Variants in EIF3H observed in about 807,000 individuals in gnomAD.
The protein encoded by EIF3H is eIF-3-gamma.
A neutral mutation model predicts 44.2 loss-of-function variants in EIF3H; 26 were observed. The observed-to-expected ratio is 0.59, with a 90% CI of 0.43 to 0.82. The LOEUF is 0.82. Ranked by LOEUF, EIF3H falls within the 40% of genes least tolerant of loss-of-function variation. The probability of loss-of-function intolerance (pLI) is 0.00; values close to 1 mark genes in which losing one functional copy is unlikely to be tolerated. For synonymous variants in EIF3H, 166 were observed against 151.9 expected (o/e 1.09, Z -0.68); for missense variants, 359 against 432.8 (o/e 0.83, Z 1.51).
At chr8:116,696,805 T>C (rs1231376089) in intron 2 of EIF3H, among the ~76,000 whole-genome samples, 1 of 152,094 alleles carries the variant, frequency 6.6e-6, no homozygotes, top group East Asian at 1.9e-4. Flanking sequence ...TCTAAATAAT[T>C]TGTAAGGGCA....
chr8:116,751,446 T>C (rs188038829), intron 1 of EIF3H, among the ~76,000 whole-genome samples: 65 of 152,270 alleles, frequency 4.3e-4, no homozygotes, highest in African/African-American at 1.4e-3. Context: ...GTAGCATACA[T>C]TCTGATGAGG....
chr8:116,738,326 C>A (rs2130953312), intron 1 of EIF3H, among the ~76,000 whole-genome samples: 1 of 152,162 alleles, frequency 6.6e-6, no homozygotes. Context: ...AAAATATGGG[C>A]TGAATGAAGC....
chr8:116,646,403 T>C, intron 7 of EIF3H, 68 bp downstream of exon 7: 1 of 1,607,166 alleles, frequency 6.2e-7, no homozygotes, highest in Non-Finnish European at 8.5e-7. Context: ...TGTTTGTAAA[T>C]TTCTCACTGT....
At chr8:116,736,942 G>A (rs1017371854) in intron 1 of EIF3H, among the ~76,000 whole-genome samples, 1 of 152,080 alleles carries the variant, frequency 6.6e-6, no homozygotes, top group East Asian at 1.9e-4. Context: ...TATTATTGTT[G>A]AAGACAAAGT....
At position 116,648,851 on chromosome 8, in the gene EIF3H, G is replaced by A; in HGVS notation, c.783C>T (p.Asn261=). ...DEMSQDIVKY[N]TYMRNTSKQQ... ...GTTTACTAGTATTCCTCATGTATGT[G>A]TTGTATTTAACTATATCTTGGCTCA... Residue 261 remains asparagine, a synonymous_variant, in exon 6 of 8, where the codon AAC becomes AAT. Coordinates refer to ENST00000521861, the MANE Select transcript of EIF3H (RefSeq NM_003756.3). 1 of 1,611,348 alleles carries A rather than the reference G, an allele frequency of 6.2e-7. No individual in the cohort carries two copies.
chr8:116,665,483 C>T (rs920059746), intron 2 of EIF3H, among the ~76,000 whole-genome samples: 2 of 152,060 alleles, frequency 1.3e-5, no homozygotes, highest in African/African-American at 2.4e-5. Context: ...AGTACATGTT[C>T]TTTGCAGCAA....
chr8:116,687,238 A>T (rs1279604920), intron 2 of EIF3H, among the ~76,000 whole-genome samples: 4 of 152,214 alleles, frequency 2.6e-5, no homozygotes, highest in Admixed American at 1.3e-4. Context: ...TGTTACCTTT[A>T]AAAGGGGCTC....
At chr8:116,758,273 A>G (rs753065092), upstream of EIF3H, among the ~76,000 whole-genome samples, 4 of 152,240 alleles carry the variant, frequency 2.6e-5, no homozygotes, top group Non-Finnish European at 5.9e-5. Context: ...AGAAGGAGAC[A>G]TCAAATAATG....
At chr8:116,725,970 C>G (rs1329310482) in intron 2 of EIF3H, 46 bp downstream of exon 2, 2 of 1,580,906 alleles carry the variant, frequency 1.3e-6, no homozygotes, top group Non-Finnish European at 1.7e-6. Flanking sequence ...GTGTCAATAT[C>G]CATTTGTATG....
At position 116,648,749 on chromosome 8, in the gene EIF3H, C is replaced by A; in HGVS notation, c.828+57G>T. 2.6e-6 allele frequency: 4 copies of A among 1,521,240 alleles called. No homozygotes were observed. In the African/African-American group the frequency reaches 4.2e-5, roughly 16 times the overall value. 94.2% of individuals were successfully genotyped at this position (1,521,240 alleles called of 1,614,324 possible). A position where few individuals can be genotyped will look rare whatever the true frequency, so the allele number is the denominator to read the frequency against. On this transcript the variant is annotated intron_variant, in intron 6 of 7. Coordinates refer to ENST00000521861, the MANE Select transcript of EIF3H (RefSeq NM_003756.3). ...AATTTAGGTCATTTTGAACATGACTCTTGAAATACATGAAACTTAGAAATA... is the reference window on the plus strand; with the variant it reads ...AATTTAGGTCATTTTGAACATGACTATTGAAATACATGAAACTTAGAAATA...
intron 1 of EIF3H, among the ~76,000 whole-genome samples, chr8:116,754,715 GCTCTTAACCACCAGGCTACA>G (rs1815411991): frequency 6.6e-6 from 1 of 152,196 alleles, no homozygotes; most frequent in African/African-American, 2.4e-5. Context: ...GACTGAATGA[GCTCTTAACCACCAGGCTACA>G]CTCTTGTATC....
chr8:116,671,204 C>G (rs565289557), intron 2 of EIF3H, among the ~76,000 whole-genome samples: 14 of 152,330 alleles, frequency 9.2e-5, no homozygotes, highest in Admixed American at 2.0e-4. Context: ...TTTCCCTAAA[C>G]TTGCTTCAGC....
chr8:116,712,117 T>C (rs985747344), intron 2 of EIF3H, among the ~76,000 whole-genome samples: 7 of 152,316 alleles, frequency 4.6e-5, no homozygotes, highest in South Asian at 2.1e-4. Context: ...CCGCCGCCGC[T>C]GCTGCTGCTG....
chr8:116,698,159 C>T (rs947998076), intron 2 of EIF3H, among the ~76,000 whole-genome samples: 2 of 152,062 alleles, frequency 1.3e-5, no homozygotes, highest in Non-Finnish European at 2.9e-5. Context: ...GCTACAATTT[C>T]ACAGGCAAAG....
At chr8:116,749,890 T>C (rs1018680461) in intron 1 of EIF3H, among the ~76,000 whole-genome samples, 5 of 152,270 alleles carry the variant, frequency 3.3e-5, no homozygotes, top group African/African-American at 9.6e-5. Context: ...GAGGAAGTGA[T>C]GAAACAGGTC....
chr8:116,658,881 G>GT lies in EIF3H; in HGVS notation c.388dup (p.Thr130AsnfsTer10). On this transcript the variant is annotated frameshift_variant, in exon 3 of 8. Transcript: ENST00000521861. LOFTEE classifies it high-confidence loss of function. ...AAACTGAGAGTCCAGGAGTGCCCGG[G>GT]TAACGAATGAGCCATAGTATGTGGA... The GT allele has an allele frequency of 6.2e-7, 1 of 1,613,922 alleles. No individual in the cohort carries two copies. The highest frequency in any genetic ancestry group is 8.5e-7 in the Non-Finnish European group (1 of 1,179,862).
At chr8:116,691,477 T>C (rs2130861647) in intron 2 of EIF3H, among the ~76,000 whole-genome samples, 1 of 152,272 alleles carries the variant, frequency 6.6e-6, no homozygotes, top group Admixed American at 6.5e-5. Flanking sequence ...CCCATGCATT[T>C]TCTGCCTGAC....
At chr8:116,737,183 AAAACAAACATTC>A (rs1448747258) in intron 1 of EIF3H, 22 of 417,704 alleles carry the variant, frequency 5.3e-5, no homozygotes, top group African/African-American at 4.6e-4. Context: ...GCAAGCCCTA[AAAACAAACATTC>A]AAACCTGAAG....
intron 1 of EIF3H, among the ~76,000 whole-genome samples, chr8:116,734,817 T>C (rs1815006913): frequency 6.6e-6 from 1 of 152,190 alleles, no homozygotes; most frequent in South Asian, 2.1e-4. Flanking sequence ...ACCCGGGGCC[T>C]CCAAAAGTGC....
Sources: allele counts gnomAD v4.1 joint callset (sites outside exome capture counted in the v4.1 genomes callset), GRCh38; gene constraint gnomAD v4.1.1; transcripts MANE v1.5; gene names NCBI Gene and HGNC (gene_info 2026-07-23, HGNC 2026-07-21).